The following ESYT3 variants were observed in gnomAD, a reference collection of about 807,000 sequenced individuals.
ESYT3 encodes extended synaptotagmin 3, also known as extended synaptotagmin-3.
In ESYT3, 101 loss-of-function variants were observed where a neutral mutation model predicts 111.5. The ratio of observed to expected loss-of-function variants is 0.91; its 90% CI spans 0.77 to 1.07. ESYT3 has a LOEUF of 1.07. Ranked by LOEUF, ESYT3 falls within the 50% of genes least tolerant of loss-of-function variation. The pLI is 0.00. For synonymous variants in ESYT3, 416 were observed against 446.8 expected (o/e 0.93, Z 0.87); for missense variants, 1,097 against 1,109.4 (o/e 0.99, Z 0.16).
intron 1 of ESYT3, among the ~76,000 whole-genome samples, chr3:138,439,815 C>T (rs891101476): frequency 2.3e-4 from 35 of 152,246 alleles, no homozygotes; most frequent in African/African-American, 8.2e-4. Context: ...TGTGAGAAAA[C>T]GTGGCATTTT....
chr3:138,439,017 G>T (rs569593861), intron 1 of ESYT3, among the ~76,000 whole-genome samples: 1 of 152,350 alleles, frequency 6.6e-6, no homozygotes, highest in Admixed American at 6.5e-5. Context: ...CGCCTCAGCT[G>T]TCCTTGTCGG....
intron 16 of ESYT3, chr3:138,470,606 C>T (rs1361351422): frequency 1.6e-6 from 2 of 1,234,792 alleles, no homozygotes; most frequent in African/African-American, 3.0e-5. Flanking sequence ...AGCAGCACAG[C>T]TCATCAGTCC....
intron 12 of ESYT3, 103 bp from the exon 13 acceptor site, chr3:138,468,552 T>C: frequency 8.4e-7 from 1 of 1,196,784 alleles, no homozygotes. Flanking sequence ...GTCTGGAGTG[T>C]GAAGGCTAGC....
At position 138,468,113 on chromosome 3, in the gene ESYT3, C is replaced by T; in HGVS notation, c.1227C>T (p.Val409=). The change falls in exon 12 of 23, where the codon GTC becomes GTT. Residue 409 remains valine, a synonymous_variant. Transcript: ENST00000389567. The part of the protein sequence containing the change: ...MTNRVVDEWF[V]LNDTTSGRLH... ...CTGCCCCTACCCCACAGTGGTTTGT[C>T]CTGAATGACACAACCAGCGGGCGGC... The T allele has an allele frequency of 6.2e-7, 1 of 1,614,134 alleles. No homozygotes were observed. Among genetic ancestry groups the T allele is most frequent in the Non-Finnish European group, 8.5e-7 (1 of 1,180,024 alleles).
Position 138,464,440 on chromosome 3 carries a change from G to A in ESYT3, c.1011G>A (p.Val337=), listed in dbSNP as rs757304932. The A allele has an allele frequency of 2.5e-6, 4 of 1,614,062 alleles. No individual in the cohort carries two copies. Among genetic ancestry groups the A allele is most frequent in the Admixed American group, 1.7e-5 (1 of 59,998 alleles). Residue 337 remains valine, a synonymous_variant, in exon 9 of 23, where the codon GTG becomes GTA. Coordinates refer to ENST00000389567, the MANE Select transcript of ESYT3 (RefSeq NM_031913.5). ...LRGKSDPYAK[V]SIGLQHFRSR... ...GCAAGTCAGATCCCTACGCCAAGGT[G>A]AGCATCGGCCTACAGCATTTCCGGA...
intron 2 of ESYT3, among the ~76,000 whole-genome samples, chr3:138,453,828 G>C (rs1314659703): frequency 6.6e-6 from 1 of 152,142 alleles, no homozygotes; most frequent in Non-Finnish European, 1.5e-5. Flanking sequence ...TTTACCCAGA[G>C]GCTGAGAATG....
chr3:138,461,892 T>C (rs896436611), intron 7 of ESYT3, among the ~76,000 whole-genome samples, 194 bp from the exon 8 acceptor site: 1 of 151,830 alleles, frequency 6.6e-6, no homozygotes, highest in African/African-American at 2.4e-5. Flanking sequence ...AGGACTGCTG[T>C]TGAGATAGAA....
At position 138,462,186 on chromosome 3, in the gene ESYT3, C is replaced by G. The variant is rs145754623; in HGVS notation, c.895C>G (p.Leu299Val). 2 of 1,614,116 alleles carry G rather than the reference C, an allele frequency of 1.2e-6. No individual in the cohort carries two copies. Among genetic ancestry groups the G allele is most frequent in the Non-Finnish European group, 1.7e-6 (2 of 1,180,048 alleles). Residue 299 changes from leucine (L) to valine (V), a missense_variant, in exon 8 of 23, where the codon CTG becomes GTG. Physicochemically the swap from Leu to Val is conservative, Grantham distance 32. Coordinates refer to ENST00000389567, the MANE Select transcript of ESYT3 (RefSeq NM_031913.5). ...PVKKGLDLTN[L>V]RFPLPCGVIR... ...GAAGAAGGGGCTGGATCTGACCAAC[C>G]TGCGCTTCCCTCTGCCCTGTGTGAG...
rs2033602029 is a variant in ESYT3, at chr3:138,478,839, A to G, written c.*1985A>G. 6.6e-6 allele frequency: 1 copy of G among 152,222 alleles called. No individual in the cohort carries two copies. Among genetic ancestry groups the G allele is most frequent in the African/African-American group, 2.4e-5 (1 of 41,448 alleles). 9.4% of individuals were successfully genotyped at this position (152,222 alleles called of 1,614,324 possible). A position where few individuals can be genotyped will look rare whatever the true frequency, so the allele number is the denominator to read the frequency against. On this transcript the variant is annotated 3_prime_UTR_variant, in exon 23 of 23. Transcript: ENST00000389567. ...TGGTTTTCAGCAGTGGGTGGAAACA[A>G]TCAGCTAATATGCAGGAGCATAGGG... is the stretch of plus-strand genomic sequence containing the variant.
intron 1 of ESYT3, among the ~76,000 whole-genome samples, chr3:138,436,370 G>A (rs2030689749): frequency 6.6e-6 from 1 of 152,186 alleles, no homozygotes. Context: ...AAGGACATCA[G>A]TCATATTGGA....
At chr3:138,456,597 C>T (rs1038458703) in intron 3 of ESYT3, among the ~76,000 whole-genome samples, 6 of 152,198 alleles carry the variant, frequency 3.9e-5, no homozygotes, top group African/African-American at 7.2e-5. Flanking sequence ...GCCGGAGCTC[C>T]GCCTCCTGTC....
At position 138,476,803 on chromosome 3, in the gene ESYT3, G is replaced by GT. The variant is rs2033505244; in HGVS notation, c.2625-14dup. On this transcript the variant is annotated splice_polypyrimidine_tract_variant and intron_variant, in intron 22 of 22. Coordinates refer to ENST00000389567, the MANE Select transcript of ESYT3 (RefSeq NM_031913.5). The stretch of plus-strand genomic sequence containing the variant: ...GTCATTACTAACGTTAAGTCCAAAC[G>GT]TAACTGTCTTACAGGTATGAGCTGA... The GT allele has an allele frequency of 3.1e-6, 5 of 1,613,322 alleles. No individual in the cohort carries two copies. Among genetic ancestry groups the GT allele is most frequent in the Non-Finnish European group, 3.4e-6 (4 of 1,179,460 alleles).
At chr3:138,459,318 GC>G in intron 5 of ESYT3, 65 bp downstream of exon 5, 1 of 1,339,458 alleles carries the variant, frequency 7.5e-7, no homozygotes, top group Non-Finnish European at 1.0e-6. Context: ...GGAAGGGGAA[GC>G]CAGGTCATGC....
chr3:138,474,183 C>CCT, intron 19 of ESYT3, 38 bp from the exon 20 acceptor site: 2 of 1,222,926 alleles, frequency 1.6e-6, no homozygotes, highest in Admixed American at 2.3e-5. Flanking sequence ...AACCAGGGCC[C>CCT]TTTTTTTTTT....
At chr3:138,441,627 C>T (rs952917627) in intron 1 of ESYT3, among the ~76,000 whole-genome samples, 6 of 152,152 alleles carry the variant, frequency 3.9e-5, no homozygotes, top group East Asian at 3.9e-4. Context: ...CTTGCTCTTT[C>T]GCCTCCCCCT....
Position 138,478,308 on chromosome 3 carries a change from T to TCCAAGA in ESYT3, c.*1457_*1462dup, listed in dbSNP as rs777386051. ...CTTGAATTGTTTTTCACCCTCACCA[T>TCCAAGA]CCAAGACCGTGTTAAGTACATAGAA... is the stretch of plus-strand genomic sequence containing the variant. On this transcript the variant is annotated 3_prime_UTR_variant, in exon 23 of 23. Transcript: ENST00000389567. 1 of 152,208 alleles carries TCCAAGA rather than the reference T, an allele frequency of 6.6e-6. No individual in the cohort carries two copies. Among genetic ancestry groups the TCCAAGA allele is most frequent in the Non-Finnish European group, 1.5e-5 (1 of 68,036 alleles). 9.4% of individuals were successfully genotyped at this position (152,208 alleles called of 1,614,324 possible). A position where few individuals can be genotyped will look rare whatever the true frequency, so the allele number is the denominator to read the frequency against.
chr3:138,474,548 C>T (rs2033397714), intron 20 of ESYT3, 196 bp downstream of exon 20: 1 of 493,788 alleles, frequency 2.0e-6, no homozygotes, highest in Non-Finnish European at 3.4e-6. Flanking sequence ...AAATGGCCAC[C>T]TACATTTACT....
chr3:138,459,051 G>A, intron 4 of ESYT3, 136 bp from the exon 5 acceptor site: 1 of 585,116 alleles, frequency 1.7e-6, no homozygotes, highest in Non-Finnish European at 3.0e-6. Flanking sequence ...TAGGCCATGT[G>A]CCCAGTGCAT....
At chr3:138,469,129 A>G (rs1182266648) in intron 14 of ESYT3, 3 of 599,682 alleles carry the variant, frequency 5.0e-6, no homozygotes, top group Non-Finnish European at 8.9e-6. Flanking sequence ...TGGGTCACAC[A>G]GCTAAGAGGA....
Sources: allele counts gnomAD v4.1 joint callset (sites outside exome capture counted in the v4.1 genomes callset), GRCh38; gene constraint gnomAD v4.1.1; transcripts MANE v1.5; gene names NCBI Gene and HGNC (gene_info 2026-07-23, HGNC 2026-07-21).